Variants in PAK5 observed in about 807,000 individuals in gnomAD.
PAK5 encodes the protein p21 (RAC1) activated kinase 5, also known as serine/threonine-protein kinase PAK 5.
PAK5 carries 16 observed loss-of-function variants against 65.9 expected under a neutral mutation model. The ratio of observed to expected loss-of-function variants is 0.24; its 90% CI spans 0.16 to 0.37. The LOEUF is 0.37. Among genes scored for constraint, PAK5 ranks in the 10% least tolerant of loss-of-function variants. The pLI is 1.00. For synonymous variants in PAK5, 371 were observed against 354.9 expected (o/e 1.05, Z -0.51); for missense variants, 785 against 903.9 (o/e 0.87, Z 1.69).
At chr20:9,789,743 C>A (rs906374080) in intron 1 of PAK5, among the ~76,000 whole-genome samples, 2 of 152,102 alleles carry the variant, frequency 1.3e-5, no homozygotes, top group Non-Finnish European at 2.9e-5. Flanking sequence ...TCCTGAATTT[C>A]TTGCTGACAT....
chr20:9,539,653 C>A (rs564168100), intron 9 of PAK5, 36 bp from the exon 10 acceptor site: 1 of 1,586,190 alleles, frequency 6.3e-7, no homozygotes, highest in African/African-American at 1.3e-5. Flanking sequence ...TGAGGACTAA[C>A]ACAGACACCT....
At position 9,838,769 on chromosome 20, in the gene PAK5, C is replaced by A. The variant is rs1979363224; in HGVS notation, c.-169G>T. ...ACAGGCGCGCCTGCCTACCTGGTGG[C>A]CGGCTGTCAGCGAAGCGGCGGTGCC... On this transcript the variant is annotated 5_prime_UTR_variant, in exon 1 of 10. Coordinates refer to ENST00000353224, the MANE Select transcript of PAK5 (RefSeq NM_177990.4). This position sits in a 1 kb window ranked among gnomAD's most constrained non-coding sequence, Gnocchi z 4.5. The A allele has an allele frequency of 1.3e-5, 2 of 152,256 alleles. No individual in the cohort carries two copies. Among genetic ancestry groups the A allele is most frequent in the African/African-American group, 4.8e-5 (2 of 41,464 alleles). The allele number at this position is 152,256 out of a possible 1,614,324, so 9.4% of individuals were successfully genotyped here. A position where few individuals can be genotyped will look rare whatever the true frequency, so the allele number is the denominator to read the frequency against.
intron 4 of PAK5, among the ~76,000 whole-genome samples, chr20:9,576,130 A>G (rs774955754): frequency 1.3e-5 from 2 of 152,164 alleles, no homozygotes; most frequent in Non-Finnish European, 2.9e-5. Flanking sequence ...AGCTGCTGTA[A>G]TTTATTAACT....
At chr20:9,726,748 G>C (rs532149217) in intron 1 of PAK5, among the ~76,000 whole-genome samples, 1 of 151,966 alleles carries the variant, frequency 6.6e-6, no homozygotes, top group Non-Finnish European at 1.5e-5. Context: ...CGGGTTGATG[G>C]GTGCAGCAAA....
chr20:9,546,915 CAA>C lies in PAK5; in HGVS notation c.1744-2423_1744-2422del, dbSNP rs533019980. Among the ~76,000 whole-genome samples, 506 of 152,256 alleles carry C rather than the reference CAA, an allele frequency of 3.3e-3. 4 individuals carry two copies. The highest frequency in any genetic ancestry group is 0.011 in the African/African-American group (456 of 41,552). On this transcript the variant is annotated intron_variant, in intron 7 of 9. Coordinates refer to ENST00000353224, the MANE Select transcript of PAK5 (RefSeq NM_177990.4). ...AACGTGGTGAATATGATAATGATGA[CAA>C]TGATAATTATTACTATTCTCTACAG...
intron 2 of PAK5, among the ~76,000 whole-genome samples, chr20:9,704,996 G>C (rs58547409): frequency 0.02 from 3,070 of 152,288 alleles, 112 homozygotes; most frequent in African/African-American, 0.071. Context: ...TTGTTCCCTG[G>C]GGAAACATTT....
intron 1 of PAK5, among the ~76,000 whole-genome samples, chr20:9,728,268 T>G (rs2048298585): frequency 6.6e-6 from 1 of 152,052 alleles, no homozygotes; most frequent in African/African-American, 2.4e-5. Flanking sequence ...GCTTTGATCT[T>G]GGATTTCCCA....
intron 3 of PAK5, among the ~76,000 whole-genome samples, chr20:9,641,806 T>A (rs2047069110): frequency 6.6e-6 from 1 of 152,106 alleles, no homozygotes; most frequent in Admixed American, 6.5e-5. Context: ...GGGGACTCAG[T>A]ACACCCTCCG....
At chr20:9,691,094 C>A (rs1407062717) in intron 2 of PAK5, among the ~76,000 whole-genome samples, 1 of 152,130 alleles carries the variant, frequency 6.6e-6, no homozygotes, top group Non-Finnish European at 1.5e-5. Flanking sequence ...ACAGGCTCAG[C>A]AGCCAGAGAA....
intron 1 of PAK5, among the ~76,000 whole-genome samples, chr20:9,812,372 TA>T (rs2049307675): frequency 6.6e-6 from 1 of 151,756 alleles, no homozygotes; most frequent in South Asian, 2.1e-4. Context: ...AAGTAACATA[TA>T]AAAATGATGT....
chr20:9,588,024 C>G (rs1016644339), intron 3 of PAK5, among the ~76,000 whole-genome samples: 5 of 152,152 alleles, frequency 3.3e-5, no homozygotes, highest in African/African-American at 1.2e-4. Flanking sequence ...TTCATTTTCT[C>G]ATTCCCTTTG....
At chr20:9,658,047 T>A (rs974829268) in intron 2 of PAK5, among the ~76,000 whole-genome samples, 1 of 152,214 alleles carries the variant, frequency 6.6e-6, no homozygotes, top group African/African-American at 2.4e-5. Context: ...TCACAGTAAG[T>A]CTTTTAGCGA....
Position 9,598,000 on chromosome 20 carries a change from A to C in PAK5, c.205-17070T>G, listed in dbSNP as rs180805599. Among the ~76,000 whole-genome samples, 9 of 152,376 alleles carry C rather than the reference A, an allele frequency of 5.9e-5. No homozygotes were observed. The East Asian group carries it at 1.3e-3, about 23-fold the overall frequency. ...TCCAGGATACATGTGGAGGACGTGC[A>C]GTTTTATTACATAGGTAAACATGTG... On this transcript the variant is annotated intron_variant, in intron 3 of 9. Coordinates refer to ENST00000353224, the MANE Select transcript of PAK5 (RefSeq NM_177990.4).
At chr20:9,727,153 A>G (rs1177293752) in intron 1 of PAK5, among the ~76,000 whole-genome samples, 2 of 152,162 alleles carry the variant, frequency 1.3e-5, no homozygotes, top group Non-Finnish European at 2.9e-5. Context: ...TGGCAAAAAA[A>G]TACATTATTT....
chr20:9,701,900 T>G (rs2047944047), intron 2 of PAK5, among the ~76,000 whole-genome samples: 1 of 151,916 alleles, frequency 6.6e-6, no homozygotes, highest in Admixed American at 6.6e-5. Flanking sequence ...CTTGGGAGGT[T>G]GAGATAGGAG....
chr20:9,541,197 T>C (rs2045257143), intron 9 of PAK5, among the ~76,000 whole-genome samples: 1 of 152,150 alleles, frequency 6.6e-6, no homozygotes, highest in Non-Finnish European at 1.5e-5. Flanking sequence ...TTACAAATAA[T>C]TCTCCTCCAA....
At chr20:9,827,313 G>T (rs1220546570) in intron 1 of PAK5, among the ~76,000 whole-genome samples, 2 of 152,210 alleles carry the variant, frequency 1.3e-5, no homozygotes, top group African/African-American at 4.8e-5. Flanking sequence ...GTTTGACTCA[G>T]CTTCTTGAAT....
intron 1 of PAK5, among the ~76,000 whole-genome samples, chr20:9,791,155 C>A (rs2049046108): frequency 3.9e-5 from 6 of 152,140 alleles, no homozygotes; most frequent in Non-Finnish European, 8.8e-5. Flanking sequence ...TCACAACTCA[C>A]ATGTAGACGA....
intron 1 of PAK5, among the ~76,000 whole-genome samples, chr20:9,824,184 A>G (rs2049458227): frequency 6.6e-6 from 1 of 152,178 alleles, no homozygotes; most frequent in Non-Finnish European, 1.5e-5. Context: ...CATACTTTTT[A>G]AATATTAGAC....
Sources: allele counts gnomAD v4.1 joint callset (sites outside exome capture counted in the v4.1 genomes callset), GRCh38; gene constraint gnomAD v4.1.1; non-coding constraint Gnocchi (gnomAD v3.1); transcripts MANE v1.5; gene names NCBI Gene and HGNC (gene_info 2026-07-23, HGNC 2026-07-21).